Variants in SYNJ2 observed in about 807,000 individuals in gnomAD.
SYNJ2 encodes the protein synaptojanin 2.
In SYNJ2, 116 loss-of-function variants were observed where a neutral mutation model predicts 141.3. That is an observed-to-expected ratio of 0.82 (90% CI 0.71 to 0.96). SYNJ2 has a LOEUF of 0.96. Ranked by LOEUF, SYNJ2 falls within the 40% of genes least tolerant of loss-of-function variation. SYNJ2 has a pLI of 0.00. For synonymous variants in SYNJ2, 745 were observed against 777.7 expected, an observed-to-expected ratio of 0.96 and a Z score of 0.70; for missense variants, 1,873 against 1,934.8, an observed-to-expected ratio of 0.97 and a Z score of 0.60.
Position 158,092,721 on chromosome 6 carries a change from T to C in SYNJ2, c.3566-205T>C, listed in dbSNP as rs529234398. On this transcript the variant is annotated intron_variant, in intron 25 of 26. Coordinates refer to ENST00000355585, the MANE Select transcript of SYNJ2 (RefSeq NM_003898.4). ...TTGAGACTGCAGTGAGCCGTGATCATGCCGCTGCACTCCGGCCTGGGTGGC... is the reference window on the plus strand; with the variant it reads ...TTGAGACTGCAGTGAGCCGTGATCACGCCGCTGCACTCCGGCCTGGGTGGC... 2.6e-5 allele frequency among the ~76,000 whole-genome samples: 4 copies of C among 152,118 alleles called. No homozygotes were observed. In the East Asian group the frequency reaches 5.8e-4, roughly 22 times the overall value.
rs931719829 is a variant in SYNJ2, at chr6:158,064,982, G to A, written c.1516G>A (p.Ala506Thr). The A allele has an allele frequency of 6.3e-7, 1 of 1,577,544 alleles. No individual in the cohort carries two copies. The highest frequency in any genetic ancestry group is 8.6e-7 in the Non-Finnish European group (1 of 1,160,532). ...DKGGMLLDST[A>T]LLVTPRILKA... ...AGGGGGCATGCTGCTGGACAGCACG[G>A]CGCTCCTGGGTAGGGCCTGCCGCAG... is the stretch of plus-strand genomic sequence containing the variant. The change falls in exon 11 of 27, where the codon GCG (alanine) becomes ACG (threonine). Residue 506 changes from alanine (A) to threonine (T), a missense_variant. By Grantham distance (58) the Ala-to-Thr change is moderately conservative (BLOSUM62 0). Transcript: ENST00000355585.
At chr6:158,029,303 C>T (rs1313829776) in intron 3 of SYNJ2, 1 of 280,476 alleles carries the variant, frequency 3.6e-6, no homozygotes, top group Non-Finnish European at 6.7e-6. Flanking sequence ...AATCCCAGCA[C>T]TTTGGGAGGC....
chr6:158,098,820 C>T lies in SYNJ2; in HGVS notation c.*2456C>T, dbSNP rs1365608612. ...TAGGTACTTCACAACTCACCATTGT[C>T]TCTCTGACCCCAAGCCTAGTCCCTT... On this transcript the variant is annotated 3_prime_UTR_variant, in exon 27 of 27. Coordinates refer to ENST00000355585, the MANE Select transcript of SYNJ2 (RefSeq NM_003898.4). The T allele has an allele frequency of 6.6e-6, 1 of 152,226 alleles. No individual in the cohort carries two copies. The highest frequency in any genetic ancestry group is 2.4e-5 in the African/African-American group (1 of 41,462). 9.4% of individuals were successfully genotyped at this position (152,226 alleles called of 1,614,324 possible). A position where few individuals can be genotyped will look rare whatever the true frequency, so the allele number is the denominator to read the frequency against.
intron 12 of SYNJ2, chr6:158,067,840 C>T (rs1400397457): frequency 1.0e-5 from 10 of 985,296 alleles, no homozygotes; most frequent in Non-Finnish European, 1.1e-5. Flanking sequence ...GTGGTGCCTC[C>T]AGAAGCCATT....
intron 2 of SYNJ2, 64 bp downstream of exon 2, chr6:158,017,354 G>A (rs1366312863): frequency 2.1e-5 from 32 of 1,539,052 alleles, no homozygotes; most frequent in South Asian, 9.7e-5. Context: ...CCTCTGTGTC[G>A]GAAGGGGCCT....
chr6:157,993,145 C>T (rs975365542), intron 1 of SYNJ2, among the ~76,000 whole-genome samples: 2 of 150,560 alleles, frequency 1.3e-5, no homozygotes, highest in African/African-American at 4.9e-5. Flanking sequence ...TACATTCCCA[C>T]CAACTGTGTA....
intron 8 of SYNJ2, among the ~76,000 whole-genome samples, chr6:158,062,484 G>A (rs892394103): frequency 6.6e-6 from 1 of 152,078 alleles, no homozygotes; most frequent in African/African-American, 2.4e-5. Flanking sequence ...ACTAATAAAG[G>A]GGACTGCATT....
intron 1 of SYNJ2, among the ~76,000 whole-genome samples, chr6:157,997,535 A>G (rs1166140467): frequency 6.6e-6 from 1 of 152,196 alleles, no homozygotes; most frequent in Non-Finnish European, 1.5e-5. Context: ...AGCTGGGAAA[A>G]GCAAGGGAAG....
intron 1 of SYNJ2, among the ~76,000 whole-genome samples, chr6:158,015,934 G>A (rs1299799128): frequency 2.0e-5 from 3 of 152,052 alleles, no homozygotes. Context: ...TTTCAGGATT[G>A]TACAACCATC....
intron 26 of SYNJ2, 152 bp from the exon 27 acceptor site, chr6:158,095,466 C>A: frequency 1.0e-6 from 1 of 1,002,680 alleles, no homozygotes; most frequent in Non-Finnish European, 1.4e-6. Flanking sequence ...TACCTGGTCA[C>A]ATTTCTGGCA....
At chr6:158,092,704 G>A (rs1310186782) in intron 25 of SYNJ2, among the ~76,000 whole-genome samples, 2 of 152,098 alleles carry the variant, frequency 1.3e-5, no homozygotes, top group Non-Finnish European at 2.9e-5. Flanking sequence ...GGTTGAGACT[G>A]CAGTGAGCCG....
chr6:158,005,756 C>T (rs1350579834), intron 1 of SYNJ2, among the ~76,000 whole-genome samples: 1 of 152,102 alleles, frequency 6.6e-6, no homozygotes, highest in Admixed American at 6.5e-5. Context: ...CTCAGCTCTG[C>T]TGTGCCTCCT....
rs60161306 is a variant in SYNJ2, at chr6:158,098,536, T to TAAAAAAAAA, written c.*2178_*2186dup. 1 of 142,006 alleles carries TAAAAAAAAA rather than the reference T, an allele frequency of 7.0e-6. No individual in the cohort carries two copies. Among genetic ancestry groups the TAAAAAAAAA allele is most frequent in the Non-Finnish European group, 1.5e-5 (1 of 64,928 alleles). The allele number at this position is 142,006 out of a possible 1,614,324, so 8.8% of individuals were successfully genotyped here. ...TATGGTTCTCATACCAGAATTCTCT[T>TAAAAAAAAA]AAAAAAAAAAAAAAGGACAATTGGA... is the stretch of plus-strand genomic sequence containing the variant. On this transcript the variant is annotated 3_prime_UTR_variant, in exon 27 of 27. Transcript: ENST00000355585.
intron 1 of SYNJ2, among the ~76,000 whole-genome samples, chr6:157,984,020 T>G (rs1170807885): frequency 6.6e-6 from 1 of 151,794 alleles, no homozygotes; most frequent in Non-Finnish European, 1.5e-5. Context: ...TTCTTTTCTT[T>G]AAATGGGGTC....
intron 2 of SYNJ2, among the ~76,000 whole-genome samples, chr6:158,026,332 GCT>G (rs1779045403): frequency 6.6e-6 from 1 of 152,170 alleles, no homozygotes. Flanking sequence ...CCAGCTCCCC[GCT>G]CTGTCACCTT....
Position 158,066,652 on chromosome 6 carries a change from T to TG in SYNJ2, c.1717+22dup. On this transcript the variant is annotated intron_variant, in intron 12 of 26. Transcript: ENST00000355585. Reference sequence around the variant, plus strand: ...ACTCCCAGGGTGAGGGCAGTGACTTTGGGGGAGACAAAATCCAATTGCACC... The same window carrying TG: ...ACTCCCAGGGTGAGGGCAGTGACTTTGGGGGGAGACAAAATCCAATTGCACC... 1 of 1,611,208 alleles carries TG rather than the reference T, an allele frequency of 6.2e-7. No homozygotes were observed. Among genetic ancestry groups the TG allele is most frequent in the Non-Finnish European group, 8.5e-7 (1 of 1,179,386 alleles).
chr6:158,022,113 G>A (rs546523428), intron 2 of SYNJ2, among the ~76,000 whole-genome samples: 1 of 152,322 alleles, frequency 6.6e-6, no homozygotes, highest in East Asian at 1.9e-4. Context: ...CTGAACCTGC[G>A]GGTGGCGGGG....
intron 1 of SYNJ2, among the ~76,000 whole-genome samples, chr6:157,983,029 C>T (rs1239569219): frequency 6.6e-6 from 1 of 152,222 alleles, no homozygotes. Flanking sequence ...CACCACTAGG[C>T]GTCCAGCTGT....
chr6:158,016,665 A>G (rs1328041350), intron 1 of SYNJ2, among the ~76,000 whole-genome samples: 2 of 152,174 alleles, frequency 1.3e-5, no homozygotes, highest in Non-Finnish European at 2.9e-5. Flanking sequence ...CATTAAAACT[A>G]GTACATGCCT....
Sources: gnomAD v4.1 joint callset for allele counts (sites outside exome capture counted in the v4.1 genomes callset) on GRCh38, gnomAD v4.1.1 for gene constraint, MANE v1.5 for transcripts, NCBI Gene and HGNC (gene_info 2026-07-23, HGNC 2026-07-21) for gene names.